The following SCD5 variants were observed in gnomAD, a reference collection of about 807,000 sequenced individuals.
SCD5 encodes the protein stearoyl-CoA desaturase 5.
Under a neutral mutation model 30.4 loss-of-function variants are expected in SCD5, and 20 were observed. That is an observed-to-expected ratio of 0.66 (90% CI 0.46 to 0.96). The LOEUF is 0.96. Ranked by LOEUF, SCD5 falls within the 40% of genes least tolerant of loss-of-function variation. The pLI, the probability that SCD5 is intolerant of heterozygous loss-of-function variation, is 0.00. For synonymous variants in SCD5, 173 were observed against 176.4 expected, an observed-to-expected ratio of 0.98 and a Z score of 0.16; for missense variants, 381 against 443.3, an observed-to-expected ratio of 0.86 and a Z score of 1.26.
chr4:82,681,830 G>A (rs1169587777), intron 2 of SCD5, among the ~76,000 whole-genome samples: 2 of 152,178 alleles, frequency 1.3e-5, no homozygotes, highest in African/African-American at 2.4e-5. Context: ...GTTGTCATAA[G>A]AGAGGGGCAG....
intron 1 of SCD5, among the ~76,000 whole-genome samples, chr4:82,733,580 T>A (rs770189049): frequency 3.3e-5 from 5 of 151,980 alleles, no homozygotes; most frequent in Non-Finnish European, 7.4e-5. Context: ...AGCCTTCTAA[T>A]GTGTGGAGGG....
intron 2 of SCD5, among the ~76,000 whole-genome samples, chr4:82,685,586 G>T (rs151258842): frequency 6.6e-6 from 1 of 151,726 alleles, no homozygotes; most frequent in Admixed American, 6.6e-5. Context: ...GGTGGTACGC[G>T]GCTGTAATAC....
At chr4:82,754,257 A>G (rs1411079397) in intron 1 of SCD5, among the ~76,000 whole-genome samples, 1 of 152,242 alleles carries the variant, frequency 6.6e-6, no homozygotes, top group East Asian at 1.9e-4. Context: ...GAGAGAATGC[A>G]GGAAGAGAGA....
chr4:82,679,876 T>A (rs976978458), intron 3 of SCD5, among the ~76,000 whole-genome samples: 18 of 152,242 alleles, frequency 1.2e-4, no homozygotes, highest in Admixed American at 3.3e-4. Context: ...AGTCCTCAGA[T>A]GACTCCTACC....
chr4:82,706,897 C>T (rs995774642), intron 1 of SCD5, among the ~76,000 whole-genome samples: 27 of 152,294 alleles, frequency 1.8e-4, no homozygotes, highest in African/African-American at 5.8e-4. Context: ...GGATTTCTGA[C>T]GCTTAAATTC....
At chr4:82,654,559 AAAGGG>A (rs1419282080) in intron 3 of SCD5, among the ~76,000 whole-genome samples, 2 of 152,210 alleles carry the variant, frequency 1.3e-5, no homozygotes, top group African/African-American at 4.8e-5. Flanking sequence ...AGCAAAGCAA[AAAGGG>A]GAGAATGTGA....
At chr4:82,769,077 A>C (rs1273093375) in intron 1 of SCD5, among the ~76,000 whole-genome samples, 15 of 152,076 alleles carry the variant, frequency 9.9e-5, no homozygotes, top group Admixed American at 9.8e-4. Flanking sequence ...TCCTCAACTC[A>C]CCATCTCCCA....
At chr4:82,661,097 A>G (rs1293584370) in intron 3 of SCD5, 1 of 1,609,258 alleles carries the variant, frequency 6.2e-7, no homozygotes, top group Non-Finnish European at 8.5e-7. Flanking sequence ...AATAAAGAAA[A>G]TGACTGAGAG....
At chr4:82,761,609 T>C (rs1362469774) in intron 1 of SCD5, among the ~76,000 whole-genome samples, 5 of 151,904 alleles carry the variant, frequency 3.3e-5, no homozygotes, top group Non-Finnish European at 5.9e-5. Flanking sequence ...CTTTAAGTTT[T>C]AGGGTACATG....
intron 1 of SCD5, among the ~76,000 whole-genome samples, chr4:82,789,398 G>T (rs1722053985): frequency 6.6e-6 from 1 of 152,178 alleles, no homozygotes; most frequent in African/African-American, 2.4e-5. Flanking sequence ...TCTCTAAATG[G>T]TCAGCCTGTG....
chr4:82,631,289 G>A lies in SCD5; in HGVS notation c.*38C>T. 6 of 1,591,786 alleles carry A rather than the reference G, an allele frequency of 3.8e-6. No individual in the cohort carries two copies. The highest frequency in any genetic ancestry group is 5.2e-6 in the Non-Finnish European group (6 of 1,164,286). On this transcript the variant is annotated 3_prime_UTR_variant, in exon 5 of 5. Transcript: ENST00000319540. ...TATTGTAACCAAAGCCATGAACCGA[G>A]GTTGCAACGGCAGACATGTGGGATG...
chr4:82,741,020 T>C (rs1373449963), intron 1 of SCD5, among the ~76,000 whole-genome samples: 2 of 151,804 alleles, frequency 1.3e-5, no homozygotes, highest in Admixed American at 1.3e-4. Context: ...CTGCAGCCTC[T>C]GCCTTCTAGG....
chr4:82,763,799 T>C (rs970091480), intron 1 of SCD5, among the ~76,000 whole-genome samples: 2 of 152,242 alleles, frequency 1.3e-5, no homozygotes, highest in African/African-American at 4.8e-5. Flanking sequence ...ATCTAGTCTG[T>C]GGTATTTTGT....
At chr4:82,672,194 A>G (rs1007237090) in intron 3 of SCD5, among the ~76,000 whole-genome samples, 4 of 152,124 alleles carry the variant, frequency 2.6e-5, no homozygotes, top group Non-Finnish European at 5.9e-5. Context: ...AAAATAAATA[A>G]TAAAAATTAG....
intron 3 of SCD5, 134 bp from the exon 4 acceptor site, chr4:82,636,957 A>ATGTGGAAGCCTGT (rs1727446657): frequency 1.4e-6 from 1 of 699,010 alleles, no homozygotes; most frequent in East Asian, 2.7e-5. Flanking sequence ...CGCTTTCTAT[A>ATGTGGAAGCCTGT]TGTGGAAGCC....
chr4:82,656,145 T>C (rs1486169722), intron 3 of SCD5, among the ~76,000 whole-genome samples: 3 of 152,144 alleles, frequency 2.0e-5, no homozygotes, highest in African/African-American at 7.2e-5. Context: ...CATTGCAGAA[T>C]GTACAGATTT....
At chr4:82,770,578 G>T (rs966084713) in intron 1 of SCD5, among the ~76,000 whole-genome samples, 1 of 152,138 alleles carries the variant, frequency 6.6e-6, no homozygotes, top group African/African-American at 2.4e-5. Flanking sequence ...TCTTTATTCA[G>T]GGAAATATTT....
chr4:82,712,114 A>G (rs981417964), intron 1 of SCD5, among the ~76,000 whole-genome samples: 1 of 149,004 alleles, frequency 6.7e-6, no homozygotes, highest in Admixed American at 6.7e-5. Flanking sequence ...TCTCCATCTT[A>G]TAGATGAAGA....
At chr4:82,720,010 C>T (rs900143997) in intron 1 of SCD5, among the ~76,000 whole-genome samples, 2 of 150,264 alleles carry the variant, frequency 1.3e-5, no homozygotes, top group Admixed American at 1.3e-4. Flanking sequence ...CCAGGTTGGC[C>T]AGGCTGGTAG....
Sources: gnomAD v4.1 joint callset for allele counts (sites outside exome capture counted in the v4.1 genomes callset) on GRCh38, gnomAD v4.1.1 for gene constraint, MANE v1.5 for transcripts, NCBI Gene and HGNC (gene_info 2026-07-23, HGNC 2026-07-21) for gene names.